The following MYO5A variants were observed in gnomAD, a reference collection of about 807,000 sequenced individuals.
MYO5A encodes the protein myosin VA, also known as unconventional myosin-Va.
MYO5A carries 98 observed loss-of-function variants against 249.7 expected under a neutral mutation model. That is an observed-to-expected ratio of 0.39 (90% confidence interval 0.33 to 0.46). The LOEUF is 0.46. MYO5A is among the 20% of genes least tolerant of loss of function. The probability of loss-of-function intolerance (pLI) is 0.98; values close to 1 mark genes in which losing one functional copy is unlikely to be tolerated. For synonymous variants in MYO5A, 778 were observed against 810.6 expected (o/e 0.96, Z 0.68); for missense variants, 1,696 against 2,308.8 (o/e 0.73, Z 5.44).
At position 52,352,520 on chromosome 15, in the gene MYO5A, G is replaced by T. The variant is rs551566384; in HGVS notation, c.3622-1039C>A. On this transcript the variant is annotated intron_variant, in intron 27 of 41. Coordinates refer to ENST00000399233, the MANE Select transcript of MYO5A (RefSeq NM_001382347.1). ...ATTTAGGCTGGGCACTGTGGCTCAC[G>T]CCTGTAATCCCAGCACTTTGGGAGG... 2.0e-5 allele frequency among the ~76,000 whole-genome samples: 3 copies of T among 152,286 alleles called. No homozygotes were observed. The South Asian group carries it at 6.2e-4, about 32-fold the overall frequency.
At chr15:52,328,053 C>T (rs372717558) in intron 35 of MYO5A, 47 bp from the exon 36 acceptor site, 63 of 1,479,868 alleles carry the variant, frequency 4.3e-5, no homozygotes, top group Middle Eastern at 1.8e-4. Context: ...AAAATTTTCA[C>T]GAGGCATGCA....
rs557184264 is a variant in MYO5A at position 52,463,122 on chromosome 15, T to G, written c.28-29837A>C. Among the ~76,000 whole-genome samples, 4 of 152,348 alleles carry G rather than the reference T, an allele frequency of 2.6e-5. No individual in the cohort carries two copies. In the South Asian group the frequency reaches 8.3e-4, roughly 32 times the overall value. The stretch of plus-strand genomic sequence containing the variant: ...TCATGAACTAAAGGACATTTTTTCT[T>G]GAGTGACAGGTACTCCAACTGTATA... On this transcript the variant is annotated intron_variant, in intron 1 of 41. Transcript: ENST00000399233.
intron 1 of MYO5A, among the ~76,000 whole-genome samples, chr15:52,465,095 A>G (rs926341844): frequency 3.3e-5 from 5 of 152,214 alleles, no homozygotes; most frequent in African/African-American, 1.2e-4. Flanking sequence ...CTTGACCTGG[A>G]AACAGCAGCC....
Position 52,426,715 on chromosome 15 carries a change from C to T in MYO5A, c.311-741G>A, listed in dbSNP as rs144685888. Among the ~76,000 whole-genome samples, 68 of 152,312 alleles carry T rather than the reference C, an allele frequency of 4.5e-4. 1 individual carries two copies. The East Asian group carries it at 7.1e-3, about 16-fold the overall frequency. Reference sequence around the variant, plus strand: ...GCTCAAGTGATCTGCCCACCTCAGCCTCCCAAGGTGCTGGGATTACAGGGT... The same window carrying T: ...GCTCAAGTGATCTGCCCACCTCAGCTTCCCAAGGTGCTGGGATTACAGGGT... On this transcript the variant is annotated intron_variant, in intron 3 of 41. Coordinates refer to ENST00000399233, the MANE Select transcript of MYO5A (RefSeq NM_001382347.1).
chr15:52,366,766 T>TA (rs983761926), intron 23 of MYO5A, among the ~76,000 whole-genome samples: 2 of 151,620 alleles, frequency 1.3e-5, no homozygotes, highest in East Asian at 1.9e-4. Flanking sequence ...AAATTAATTT[T>TA]AAAAAAAAAT....
In MYO5A at chr15:52,437,977, C is replaced by G; in HGVS notation, c.28-4692G>C. ...AATTTCCTCTTTATCTTAGCTTTAC[C>G]TCTGAGGAAAGCATCCAAGGAGAAA... On this transcript the variant is annotated intron_variant, in intron 1 of 41. Transcript: ENST00000399233. 5.3e-6 allele frequency: 5 copies of G among 944,086 alleles called. No homozygotes were observed. The South Asian group carries it at 2.4e-4, about 46-fold the overall frequency. 58.5% of individuals were successfully genotyped at this position (944,086 alleles called of 1,614,324 possible).
intron 1 of MYO5A, among the ~76,000 whole-genome samples, chr15:52,479,046 A>G (rs1026020866): frequency 2.6e-5 from 4 of 151,794 alleles, no homozygotes; most frequent in African/African-American, 9.7e-5. Context: ...CCCAGGCTGG[A>G]GTGCAGTGGC....
rs570850533 is a variant in MYO5A, at chr15:52,384,822, G to A, written c.1753-500C>T. Among the ~76,000 whole-genome samples the A allele has an allele frequency of 1.6e-3, 243 of 152,198 alleles. 1 individual carries two copies. Among genetic ancestry groups the A allele is most frequent in the Non-Finnish European group, 2.6e-3 (175 of 68,016 alleles). On this transcript the variant is annotated intron_variant, in intron 14 of 41. Transcript: ENST00000399233. ...TGAGCACTAACTGAAAAACATCACC[G>A]AAAATCTCAGCAGGAAAGGGTCATA... is the stretch of plus-strand genomic sequence containing the variant.
At chr15:52,419,091 C>T (rs768050736) in intron 4 of MYO5A, among the ~76,000 whole-genome samples, 15 of 152,176 alleles carry the variant, frequency 9.9e-5, no homozygotes, top group African/African-American at 3.6e-4. Context: ...ATGTATAACA[C>T]GATTTAATAT....
rs950448898 is a variant in MYO5A at position 52,396,235 on chromosome 15, A to G, written c.1401+81T>C. The stretch of plus-strand genomic sequence containing the variant: ...TAATTTTAATTCACAACTTCATTCC[A>G]GGGATAAGCTTTTAAACAAAGACTA... On this transcript the variant is annotated intron_variant, in intron 11 of 41. Coordinates refer to ENST00000399233, the MANE Select transcript of MYO5A (RefSeq NM_001382347.1). 3.5e-6 allele frequency: 3 copies of G among 855,860 alleles called. No individual in the cohort carries two copies. The African/African-American group carries it at 5.1e-5, about 15-fold the overall frequency. 53.0% of individuals were successfully genotyped at this position (855,860 alleles called of 1,614,324 possible).
At chr15:52,443,723 A>G (rs2075831885) in intron 1 of MYO5A, among the ~76,000 whole-genome samples, 2 of 151,640 alleles carry the variant, frequency 1.3e-5, no homozygotes, top group African/African-American at 4.8e-5. Flanking sequence ...AAAAAAAAAA[A>G]AGTAAATCAC....
At chr15:52,494,549 GT>G (rs1210021573) in intron 1 of MYO5A, among the ~76,000 whole-genome samples, 2 of 152,204 alleles carry the variant, frequency 1.3e-5, no homozygotes, top group African/African-American at 2.4e-5. Context: ...CAGGAGTGCA[GT>G]GGCACCATCT....
chr15:52,519,438 C>T (rs903183112), intron 1 of MYO5A, among the ~76,000 whole-genome samples: 1 of 151,950 alleles, frequency 6.6e-6, no homozygotes, highest in Non-Finnish European at 1.5e-5. Context: ...CAAAGTGAGA[C>T]TCTGTCTCTA....
chr15:52,501,184 G>T (rs1306401967), intron 1 of MYO5A, among the ~76,000 whole-genome samples: 1 of 152,022 alleles, frequency 6.6e-6, no homozygotes, highest in Non-Finnish European at 1.5e-5. Flanking sequence ...TGTTAGCCAG[G>T]ATGGTCTCCA....
intron 1 of MYO5A, among the ~76,000 whole-genome samples, chr15:52,467,204 C>T (rs563168066): frequency 4.6e-5 from 7 of 151,986 alleles, no homozygotes; most frequent in South Asian, 2.1e-4. Context: ...CTTGAAATGT[C>T]GATAAATAAT....
At chr15:52,360,492 C>T (rs2040464188) in intron 24 of MYO5A, among the ~76,000 whole-genome samples, 1 of 152,162 alleles carries the variant, frequency 6.6e-6, no homozygotes, top group African/African-American at 2.4e-5. Context: ...AAATGGCATG[C>T]ACAATCATTT....
chr15:52,354,978 A>G (rs756171620), intron 25 of MYO5A, among the ~76,000 whole-genome samples: 17 of 152,258 alleles, frequency 1.1e-4, no homozygotes, highest in Non-Finnish European at 2.1e-4. Flanking sequence ...AAACACAAAC[A>G]TATGTGACTT....
At chr15:52,385,027 G>A (rs886796481) in intron 14 of MYO5A, among the ~76,000 whole-genome samples, 36 of 152,076 alleles carry the variant, frequency 2.4e-4, no homozygotes, top group African/African-American at 8.7e-4. Flanking sequence ...GTTCTATCAG[G>A]TTAGCAATGT....
intron 6 of MYO5A, among the ~76,000 whole-genome samples, chr15:52,409,632 C>T (rs944986517): frequency 6.6e-6 from 1 of 152,086 alleles, no homozygotes; most frequent in African/African-American, 2.4e-5. Flanking sequence ...ATGCAGTGGG[C>T]ATGCAGTTGA....
Sources: allele counts gnomAD v4.1 joint callset (sites outside exome capture counted in the v4.1 genomes callset), GRCh38; gene constraint gnomAD v4.1.1; transcripts MANE v1.5; gene names NCBI Gene and HGNC (gene_info 2026-07-23, HGNC 2026-07-21).